Variants in DLGAP1 observed in about 807,000 individuals in gnomAD.
DLGAP1 encodes the protein disks large-associated protein 1.
In DLGAP1, 11 loss-of-function variants were observed where a neutral mutation model predicts 90.8. The ratio of observed to expected loss-of-function variants is 0.12; its 90% CI spans 0.08 to 0.20. DLGAP1 has a LOEUF of 0.20. DLGAP1 is among the 10% of genes least tolerant of loss of function. The pLI, the probability that DLGAP1 is intolerant of heterozygous loss-of-function variation, is 1.00. For synonymous variants in DLGAP1, 558 were observed against 540.7 expected, an observed-to-expected ratio of 1.03 and a Z score of -0.44; for missense variants, 1,050 against 1,333.8, an observed-to-expected ratio of 0.79 and a Z score of 3.31.
intron 2 of DLGAP1, among the ~76,000 whole-genome samples, chr18:4,030,414 T>G (rs76070974): frequency 0.16 from 24,025 of 152,182 alleles, 2,269 homozygotes; most frequent in Non-Finnish European, 0.2. Flanking sequence ...CCTTATGGGC[T>G]AAGAAGAATG....
intron 2 of DLGAP1, among the ~76,000 whole-genome samples, chr18:4,079,714 A>ATATATATATATATATATAT (rs2075577357): frequency 7.1e-6 from 1 of 141,812 alleles, no homozygotes; most frequent in African/African-American, 2.6e-5. Flanking sequence ...ATATATATAT[A>ATATATATATATATATATAT]AAAGAAAATC....
intron 3 of DLGAP1, among the ~76,000 whole-genome samples, chr18:4,002,805 T>C (rs1489155896): frequency 2.0e-5 from 3 of 152,172 alleles, no homozygotes; most frequent in African/African-American, 4.8e-5. Flanking sequence ...TCCATGCATG[T>C]TGTTAATACT....
chr18:3,886,984 G>A (rs952983658), intron 3 of DLGAP1, among the ~76,000 whole-genome samples: 1 of 152,208 alleles, frequency 6.6e-6, no homozygotes, highest in South Asian at 2.1e-4. Flanking sequence ...AAAAGATAAA[G>A]GTTCTGACCT....
intron 1 of DLGAP1, among the ~76,000 whole-genome samples, chr18:4,417,613 C>T (rs935380899): frequency 1.3e-5 from 2 of 152,088 alleles, no homozygotes; most frequent in African/African-American, 4.8e-5. Context: ...ATATCATAAA[C>T]CTATTGGAGA....
intron 9 of DLGAP1, among the ~76,000 whole-genome samples, chr18:3,540,986 C>A (rs547324358): frequency 4.8e-4 from 73 of 152,122 alleles, no homozygotes; most frequent in Non-Finnish European, 9.1e-4. Context: ...ACTATAGGAA[C>A]CCTGGTTAGG....
At chr18:3,833,162 C>A (rs1350526593) in intron 4 of DLGAP1, among the ~76,000 whole-genome samples, 201 of 1,398 alleles carry the variant, frequency 0.14, 15 homozygotes, top group South Asian at 0.23. Flanking sequence ...TCCTTCCTTC[C>A]TTCCTTCCTT....
Position 4,383,957 on chromosome 18 carries a change from T to G in DLGAP1, c.-267+71049A>C, listed in dbSNP as rs942090288. On this transcript the variant is annotated intron_variant, in intron 1 of 12. Coordinates refer to ENST00000315677, the MANE Select transcript of DLGAP1 (RefSeq NM_004746.4). This position sits in a 1 kb window ranked among gnomAD's most constrained non-coding sequence, Gnocchi z 4.0. ...AGTGTAAAACACCCTTTCACTCTGC[T>G]AATAAGATGTACAAAAGTCAAAACA... Among the ~76,000 whole-genome samples, 3 of 152,130 alleles carry G rather than the reference T, an allele frequency of 2.0e-5. No individual in the cohort carries two copies. Among genetic ancestry groups the G allele is most frequent in the African/African-American group, 4.8e-5 (2 of 41,448 alleles).
intron 1 of DLGAP1, among the ~76,000 whole-genome samples, chr18:4,450,663 T>C (rs776928862): frequency 1.4e-4 from 21 of 152,186 alleles, no homozygotes; most frequent in Non-Finnish European, 5.9e-5. Flanking sequence ...GATTGAGCAG[T>C]TCCAAATCAC....
chr18:3,999,495 C>A lies in DLGAP1; in HGVS notation c.-73+5621G>T, dbSNP rs149999381. On this transcript the variant is annotated intron_variant, in intron 3 of 12. Transcript: ENST00000315677. ...CGTCACATCTATATACCCGTGACTA[C>A]CTCTATCTTTATTGCCTTACATTTC... Among the ~76,000 whole-genome samples, 20 of 152,218 alleles carry A rather than the reference C, an allele frequency of 1.3e-4. No homozygotes were observed. In the East Asian group the frequency reaches 3.9e-3, roughly 29 times the overall value.
chr18:4,041,434 G>A (rs1355846360), intron 2 of DLGAP1, among the ~76,000 whole-genome samples: 4 of 152,192 alleles, frequency 2.6e-5, no homozygotes, highest in East Asian at 3.8e-4. Flanking sequence ...TATGTGACAT[G>A]CTTACTGAAT....
Position 3,497,629 on chromosome 18 carries a change from G to GT in DLGAP1, c.*1555dup, listed in dbSNP as rs1482517288. On this transcript the variant is annotated 3_prime_UTR_variant, in exon 13 of 13. Coordinates refer to ENST00000315677, the MANE Select transcript of DLGAP1 (RefSeq NM_004746.4). ...TGATGTATGTTTTTAAAAGTCTTTC[G>GT]TTTTTAATTTCTAATGCTTTAGGAT... 6.6e-6 allele frequency: 1 copy of GT among 152,084 alleles called. No homozygotes were observed. 9.4% of individuals were successfully genotyped at this position (152,084 alleles called of 1,614,324 possible).
chr18:3,885,432 T>C (rs564733564), intron 3 of DLGAP1: 57 of 152,316 alleles, frequency 3.7e-4, no homozygotes, highest in African/African-American at 1.3e-3. Context: ...AGGGATTCAA[T>C]GTATGCACTT....
chr18:3,870,653 A>T (rs1367433967), intron 4 of DLGAP1, among the ~76,000 whole-genome samples: 1 of 140,340 alleles, frequency 7.1e-6, no homozygotes, highest in Non-Finnish European at 1.6e-5. Context: ...TCTATCTATC[A>T]AATAAAGTTT....
intron 11 of DLGAP1, among the ~76,000 whole-genome samples, chr18:3,508,064 G>A (rs928593246): frequency 4.6e-5 from 7 of 152,230 alleles, no homozygotes; most frequent in Admixed American, 3.3e-4. Flanking sequence ...GCATGTCCAA[G>A]AAGGATGAAT....
At chr18:3,995,557 C>G (rs2074052177) in intron 3 of DLGAP1, 1 of 152,024 alleles carries the variant, frequency 6.6e-6, no homozygotes, top group African/African-American at 2.4e-5. Context: ...ATGTGGGCCA[C>G]GTAACTTCAC....
intron 7 of DLGAP1, chr18:3,722,515 T>C (rs2062015978): frequency 6.6e-6 from 1 of 152,196 alleles, no homozygotes; most frequent in African/African-American, 2.4e-5. Context: ...AATCTTGCTC[T>C]TTTTTCTTTC....
Position 3,703,361 on chromosome 18 carries a change from T to C in DLGAP1, c.1591+25774A>G, listed in dbSNP as rs534882394. On this transcript the variant is annotated intron_variant, in intron 7 of 12. Coordinates refer to ENST00000315677, the MANE Select transcript of DLGAP1 (RefSeq NM_004746.4). The stretch of plus-strand genomic sequence containing the variant: ...TCCATGCATAGGCTGGAGAAATTAA[T>C]AGGAAGGGCAAGAAAACATGAGAAG... Among the ~76,000 whole-genome samples, 4 of 152,292 alleles carry C rather than the reference T, an allele frequency of 2.6e-5. No homozygotes were observed. The East Asian group carries it at 7.7e-4, about 29-fold the overall frequency.
intron 1 of DLGAP1, among the ~76,000 whole-genome samples, chr18:4,254,149 C>T (rs1389465959): frequency 6.6e-6 from 1 of 152,164 alleles, no homozygotes; most frequent in Non-Finnish European, 1.5e-5. Flanking sequence ...GCACAAGTTT[C>T]ACAGAAGGTA....
intron 1 of DLGAP1, among the ~76,000 whole-genome samples, chr18:4,273,330 G>C (rs1442373673): frequency 2.0e-5 from 3 of 152,114 alleles, no homozygotes; most frequent in Non-Finnish European, 4.4e-5. Flanking sequence ...GTCTCCTCTT[G>C]GTACTTGCTC....
Sources: gnomAD v4.1 joint callset for allele counts (sites outside exome capture counted in the v4.1 genomes callset) on GRCh38, gnomAD v4.1.1 for gene constraint, Gnocchi (gnomAD v3.1) non-coding constraint, MANE v1.5 for transcripts, NCBI Gene and HGNC (gene_info 2026-07-23, HGNC 2026-07-21) for gene names.